IL15: variants seen among roughly 807,000 people sequenced by gnomAD.
The protein encoded by IL15 is interleukin 15.
A neutral mutation model predicts 19.6 loss-of-function variants in IL15; 11 were observed. The ratio of observed to expected loss-of-function variants is 0.56; its 90% CI spans 0.35 to 0.93. The LOEUF is 0.93. IL15 is among the 40% of genes least tolerant of loss of function. The pLI, the probability that IL15 is intolerant of heterozygous loss-of-function variation, is 0.01. For synonymous variants in IL15, 58 were observed against 59.6 expected, an observed-to-expected ratio of 0.97 and a Z score of 0.12; for missense variants, 197 against 186.5, an observed-to-expected ratio of 1.06 and a Z score of -0.33.
chr4:141,684,585 T>G (rs1302651314), intron 2 of IL15, among the ~76,000 whole-genome samples: 1 of 152,192 alleles, frequency 6.6e-6, no homozygotes, highest in Non-Finnish European at 1.5e-5. Flanking sequence ...ATACTTTTCA[T>G]TCAGTGGCAC....
At chr4:141,690,719 A>C (rs534018102) in intron 2 of IL15, among the ~76,000 whole-genome samples, 1 of 152,316 alleles carries the variant, frequency 6.6e-6, no homozygotes, top group South Asian at 2.1e-4. Context: ...CATTACATGC[A>C]TGAACACAAT....
chr4:141,669,693 A>C (rs986891752), intron 2 of IL15, among the ~76,000 whole-genome samples: 4 of 152,142 alleles, frequency 2.6e-5, no homozygotes, highest in African/African-American at 7.2e-5. Flanking sequence ...AGGGATTGGC[A>C]AACTTTTTCT....
intron 6 of IL15, among the ~76,000 whole-genome samples, chr4:141,729,294 A>C (rs1730372207): frequency 6.6e-6 from 1 of 152,116 alleles, no homozygotes; most frequent in African/African-American, 2.4e-5. Context: ...AATGTTGTGG[A>C]AAACATATTT....
chr4:141,676,940 G>C (rs1398440247), intron 2 of IL15, among the ~76,000 whole-genome samples: 1 of 152,180 alleles, frequency 6.6e-6, no homozygotes, highest in Non-Finnish European at 1.5e-5. Context: ...TATAAAAGAA[G>C]CAGTGCCAGA....
chr4:141,640,224 A>G (rs531091111), intron 1 of IL15, among the ~76,000 whole-genome samples: 4 of 152,198 alleles, frequency 2.6e-5, no homozygotes, highest in East Asian at 3.9e-4. Context: ...AGCCTCTGCT[A>G]TGTTTCAGCC....
chr4:141,643,725 T>G (rs1415407386), intron 1 of IL15, among the ~76,000 whole-genome samples: 1 of 152,102 alleles, frequency 6.6e-6, no homozygotes, highest in African/African-American at 2.4e-5. Context: ...CTGTTCTCTA[T>G]CTGTACTCTC....
chr4:141,689,512 G>A (rs1728835470), intron 2 of IL15, among the ~76,000 whole-genome samples: 1 of 152,054 alleles, frequency 6.6e-6, no homozygotes, highest in Admixed American at 6.5e-5. Flanking sequence ...CTAGGCACAG[G>A]GTGCTGATTG....
intron 2 of IL15, among the ~76,000 whole-genome samples, chr4:141,695,530 G>A (rs1233537084): frequency 4.0e-5 from 6 of 151,830 alleles, no homozygotes; most frequent in Non-Finnish European, 5.9e-5. Flanking sequence ...ATAGTGCTGC[G>A]ATAAACATGG....
chr4:141,651,780 G>T (rs1359649793), intron 1 of IL15, among the ~76,000 whole-genome samples: 1 of 151,962 alleles, frequency 6.6e-6, no homozygotes. Context: ...TGAATAATTT[G>T]GTCATGTAAG....
At chr4:141,705,574 A>C (rs1480116321) in intron 2 of IL15, among the ~76,000 whole-genome samples, 1 of 151,970 alleles carries the variant, frequency 6.6e-6, no homozygotes, top group African/African-American at 2.4e-5. Flanking sequence ...GTGTTCTATA[A>C]ATGTCTGTTA....
At chr4:141,709,881 C>A (rs529810845) in intron 2 of IL15, among the ~76,000 whole-genome samples, 2 of 152,132 alleles carry the variant, frequency 1.3e-5, no homozygotes, top group East Asian at 3.9e-4. Flanking sequence ...AGGTAGTGAG[C>A]ACAGTAATCA....
intron 1 of IL15, among the ~76,000 whole-genome samples, chr4:141,654,166 G>C (rs1727506731): frequency 6.6e-6 from 1 of 152,198 alleles, no homozygotes; most frequent in Non-Finnish European, 1.5e-5. Flanking sequence ...GGCAGAGGGA[G>C]AAGTTGGACT....
chr4:141,646,622 T>A (rs981455778), intron 1 of IL15, among the ~76,000 whole-genome samples: 3 of 152,082 alleles, frequency 2.0e-5, no homozygotes, highest in African/African-American at 7.2e-5. Flanking sequence ...TTACTATATA[T>A]CATGTAACGA....
At chr4:141,703,751 A>AG (rs910077899) in intron 2 of IL15, among the ~76,000 whole-genome samples, 1 of 151,924 alleles carries the variant, frequency 6.6e-6, no homozygotes, top group Non-Finnish European at 1.5e-5. Context: ...AAAAAAAAAA[A>AG]AAAGGTGTAT....
At chr4:141,711,382 G>T (rs1188915520) in intron 2 of IL15, among the ~76,000 whole-genome samples, 3 of 152,062 alleles carry the variant, frequency 2.0e-5, no homozygotes. Context: ...TGCTATTTAG[G>T]ATAGTATTTA....
intron 2 of IL15, chr4:141,717,598 T>G (rs6819823): frequency 0.48 from 73,157 of 152,000 alleles, 17,654 homozygotes; most frequent in South Asian, 0.59. Flanking sequence ...TAAATTAAGT[T>G]TGTGGTGTTC....
chr4:141,727,878 G>A lies in IL15; in HGVS notation c.196-62G>A, dbSNP rs1730320293. ...AACAATTTAATGTTTTCAGTAGGTTGTTCTCATAATATTTAAAGCAGGGCA... is the reference window on the plus strand; with the variant it reads ...AACAATTTAATGTTTTCAGTAGGTTATTCTCATAATATTTAAAGCAGGGCA... On this transcript the variant is annotated intron_variant, in intron 5 of 7. Coordinates refer to ENST00000320650, the MANE Select transcript of IL15 (RefSeq NM_000585.5). 7 of 752,374 alleles carry A rather than the reference G, an allele frequency of 9.3e-6. No homozygotes were observed. The East Asian group carries it at 1.8e-4, about 19-fold the overall frequency. 46.6% of individuals were successfully genotyped at this position (752,374 alleles called of 1,614,324 possible).
chr4:141,730,707 A>G (rs1730424326), intron 7 of IL15, among the ~76,000 whole-genome samples: 1 of 152,204 alleles, frequency 6.6e-6, no homozygotes, highest in South Asian at 2.1e-4. Flanking sequence ...AGGCTGGGGA[A>G]TCAGCTGTGC....
chr4:141,719,839 C>T lies in IL15; in HGVS notation c.12+363C>T, dbSNP rs188264347. Among the ~76,000 whole-genome samples the T allele has an allele frequency of 3.3e-5, 5 of 152,178 alleles. No homozygotes were observed. In the East Asian group the frequency reaches 7.7e-4, roughly 23 times the overall value. On this transcript the variant is annotated intron_variant, in intron 3 of 7. Transcript: ENST00000320650. ...GTGGTTAAGGTGGCAGTTAACACTG[C>T]TTTCTGAAACTTTAAAAGCTTCGAC...
Sources: gnomAD v4.1 joint callset for allele counts (sites outside exome capture counted in the v4.1 genomes callset) on GRCh38, gnomAD v4.1.1 for gene constraint, MANE v1.5 for transcripts, NCBI Gene and HGNC (gene_info 2026-07-23, HGNC 2026-07-21) for gene names.